The following SCN10A variants were observed in gnomAD, a reference collection of about 807,000 sequenced individuals.
SCN10A encodes sodium channel protein type 10 subunit alpha.
SCN10A carries 162 observed loss-of-function variants against 170.7 expected under a neutral mutation model. That is an observed-to-expected ratio of 0.95 (90% confidence interval 0.84 to 1.08). The LOEUF is 1.08. Ranked by LOEUF, SCN10A falls within the 50% of genes least tolerant of loss-of-function variation. SCN10A has a pLI of 0.00. For missense variants in SCN10A, 2,527 were observed against 2,436.9 expected (o/e 1.04, Z -0.78); for synonymous variants, 985 against 904.6 (o/e 1.09, Z -1.59).
intron 13 of SCN10A, among the ~76,000 whole-genome samples, chr3:38,742,742 A>ACTG (rs1300229026): frequency 6.6e-6 from 1 of 152,086 alleles, no homozygotes; most frequent in East Asian, 1.9e-4. Context: ...AGTCCTTTAA[A>ACTG]CTGCTGACAT....
chr3:38,726,895 C>T lies in SCN10A; in HGVS notation c.2798G>A (p.Ser933Asn), dbSNP rs912854357. 1 of 1,614,182 alleles carries T rather than the reference C, an allele frequency of 6.2e-7. No homozygotes were observed. The highest frequency in any genetic ancestry group is 8.5e-7 in the Non-Finnish European group (1 of 1,180,038). ...RTKQALCSFFSRSCPFPQPKA... is the reference protein window; with the variant it reads ...RTKQALCSFFNRSCPFPQPKA... ...GGGCTGGGGGAATGGGCAGGACCTG[C>T]TGAAGAAGCTGCAAAGAGCCTGTTT... is the stretch of plus-strand genomic sequence containing the variant. Residue 933 changes from serine (S) to asparagine (N), a missense_variant, in exon 17 of 28, where the codon AGC (serine) becomes AAC (asparagine). Transcript: ENST00000449082.
chr3:38,725,491 A>G (rs942521335), intron 17 of SCN10A, among the ~76,000 whole-genome samples, 177 bp from the exon 18 acceptor site: 3 of 152,278 alleles, frequency 2.0e-5, no homozygotes, highest in Admixed American at 1.3e-4. Flanking sequence ...ATAGCTAGAT[A>G]GACCTATGTT....
At position 38,755,282 on chromosome 3, in the gene SCN10A, C is replaced by T. The variant is rs561838356; in HGVS notation, c.1461+506G>A. Among the ~76,000 whole-genome samples, 130 of 151,414 alleles carry T rather than the reference C, an allele frequency of 8.6e-4. 1 individual carries two copies. The South Asian group carries it at 9.7e-3, about 11-fold the overall frequency. On this transcript the variant is annotated intron_variant, in intron 11 of 27. Coordinates refer to ENST00000449082, the MANE Select transcript of SCN10A (RefSeq NM_006514.4). ...AGTAAAAAAATAAAAACCACCTCGACGCATCAGAAAAAAAAAAGGTGCATG... is the reference window on the plus strand; with the variant it reads ...AGTAAAAAAATAAAAACCACCTCGATGCATCAGAAAAAAAAAAGGTGCATG...
chr3:38,815,726 A>G (rs2064471832), intron 1 of SCN10A, among the ~76,000 whole-genome samples: 1 of 152,242 alleles, frequency 6.6e-6, no homozygotes. Flanking sequence ...ACATCTTTTT[A>G]TATCAACACA....
At chr3:38,730,667 A>T (rs529501356) in intron 15 of SCN10A, among the ~76,000 whole-genome samples, 105 of 150,428 alleles carry the variant, frequency 7.0e-4, no homozygotes, top group African/African-American at 2.4e-3. Context: ...AACTATAGAT[A>T]ACAATAACAA....
intron 5 of SCN10A, among the ~76,000 whole-genome samples, 173 bp downstream of exon 5, chr3:38,771,106 A>G (rs1334357787): frequency 6.6e-6 from 1 of 152,150 alleles, no homozygotes; most frequent in African/African-American, 2.4e-5. Context: ...AAAAGGATCT[A>G]TGAATTCTTT....
chr3:38,739,769 T>G, intron 14 of SCN10A, 81 bp from the exon 15 acceptor site: 3 of 1,146,214 alleles, frequency 2.6e-6, no homozygotes, highest in Non-Finnish European at 3.8e-6. Flanking sequence ...AGAAAATGTC[T>G]TATTTACAAA....
intron 21 of SCN10A, among the ~76,000 whole-genome samples, chr3:38,716,404 T>C (rs887659492): frequency 8.5e-5 from 13 of 152,130 alleles, no homozygotes; most frequent in African/African-American, 2.4e-4. Flanking sequence ...GTGACGGTAT[T>C]ATAAGGGGGA....
chr3:38,812,052 T>C (rs1437081735), intron 1 of SCN10A, among the ~76,000 whole-genome samples: 1 of 152,190 alleles, frequency 6.6e-6, no homozygotes. Flanking sequence ...CCAGGGCAGC[T>C]GGCAGCCTGA....
Position 38,792,116 on chromosome 3 carries a change from C to A in SCN10A, c.323G>T (p.Arg108Leu). Residue 108 changes from arginine (R) to leucine (L), a missense_variant, in exon 3 of 28, where the codon CGG (arginine) becomes CTG (leucine). Transcript: ENST00000449082. ...GRTISRFSAT[R>L]ALWLFSPFNL... ...GAAAGGACTGAATAGCCACAGGGCCCGAGTGGCACTAAACCGGGAAATGGT... is the reference window on the plus strand; with the variant it reads ...GAAAGGACTGAATAGCCACAGGGCCAGAGTGGCACTAAACCGGGAAATGGT... 1 of 1,613,808 alleles carries A rather than the reference C, an allele frequency of 6.2e-7. No individual in the cohort carries two copies. The highest frequency in any genetic ancestry group is 8.5e-7 in the Non-Finnish European group (1 of 1,179,810).
intron 1 of SCN10A, among the ~76,000 whole-genome samples, chr3:38,809,965 T>C (rs1449082074): frequency 6.6e-6 from 1 of 152,174 alleles, no homozygotes; most frequent in Non-Finnish European, 1.5e-5. Flanking sequence ...GTAGAGTGTT[T>C]TTATGACTGT....
intron 13 of SCN10A, among the ~76,000 whole-genome samples, chr3:38,746,063 G>GTATATATA (rs1553619550): frequency 0.068 from 4,146 of 61,342 alleles, 358 homozygotes; most frequent in Non-Finnish European, 0.11. Context: ...GTGTGTATGT[G>GTATATATA]TATATATATA....
At chr3:38,755,310 G>T (rs1461400826) in intron 11 of SCN10A, among the ~76,000 whole-genome samples, 1 of 151,718 alleles carries the variant, frequency 6.6e-6, no homozygotes, top group Non-Finnish European at 1.5e-5. Flanking sequence ...GGTGCATGAA[G>T]GATCTCAGCA....
At chr3:38,767,935 T>C (rs774391562) in intron 5 of SCN10A, among the ~76,000 whole-genome samples, 1 of 152,112 alleles carries the variant, frequency 6.6e-6, no homozygotes, top group Admixed American at 6.5e-5. Flanking sequence ...TAGGTGCATA[T>C]GTATTTAGGA....
intron 5 of SCN10A, 101 bp from the exon 6 acceptor site, chr3:38,763,697 A>T: frequency 2.4e-6 from 2 of 819,840 alleles, no homozygotes; most frequent in South Asian, 2.9e-5. Flanking sequence ...CCTAGAAAGG[A>T]TGCAGAATGG....
chr3:38,816,074 A>G lies in SCN10A; in HGVS notation c.-70T>C, dbSNP rs1172907964. On this transcript the variant is annotated 5_prime_UTR_variant, in exon 1 of 28. Coordinates refer to ENST00000449082, the MANE Select transcript of SCN10A (RefSeq NM_006514.4). ...ATCTTGCTTGTCTTCTACGTAAGAA[A>G]TATCTTCTCTTCTATCCCAGATTGC... The G allele has an allele frequency of 4.6e-5, 7 of 152,242 alleles. No homozygotes were observed. Among genetic ancestry groups the G allele is most frequent in the African/African-American group, 1.7e-4 (7 of 41,466 alleles). The allele number at this position is 152,242 out of a possible 1,614,324, so 9.4% of individuals were successfully genotyped here.
chr3:38,752,767 G>A (rs1426105311), intron 11 of SCN10A, among the ~76,000 whole-genome samples: 1 of 152,184 alleles, frequency 6.6e-6, no homozygotes, highest in Non-Finnish European at 1.5e-5. Flanking sequence ...CAGCAAATAG[G>A]TTATCATGGT....
chr3:38,760,601 T>C (rs2063857949), intron 8 of SCN10A, 80 bp downstream of exon 8: 2 of 1,107,160 alleles, frequency 1.8e-6, no homozygotes, highest in African/African-American at 1.5e-5. Flanking sequence ...TGCAACCCCA[T>C]CTGTGCCCAT....
chr3:38,704,506 G>A (rs2063189363), intron 26 of SCN10A, among the ~76,000 whole-genome samples: 1 of 152,148 alleles, frequency 6.6e-6, no homozygotes, highest in South Asian at 2.1e-4. Flanking sequence ...CCACGGTCAG[G>A]GATCATACCT....
Sources: allele counts gnomAD v4.1 joint callset (sites outside exome capture counted in the v4.1 genomes callset), GRCh38; gene constraint gnomAD v4.1.1; transcripts MANE v1.5; gene names NCBI Gene and HGNC (gene_info 2026-07-23, HGNC 2026-07-21).